MSN: variants seen among roughly 807,000 people sequenced by gnomAD.
MSN encodes moesin, also known as epididymis luminal protein 70.
Under a neutral mutation model 48.0 loss-of-function variants are expected in MSN, and 2 were observed. The ratio of observed to expected loss-of-function variants is 0.04; its 90% CI spans 0.02 to 0.13. The LOEUF (loss-of-function observed/expected upper bound fraction) is 0.13. MSN is among the 10% of genes least tolerant of loss of function. MSN has a pLI of 1.00. For missense variants in MSN, 267 were observed against 470.1 expected (o/e 0.57, Z 3.99); for synonymous variants, 146 against 166.9 (o/e 0.87, Z 0.97).
At chrX:65,638,241 A>G (rs974586736) in intron 1 of MSN, among the ~76,000 whole-genome samples, 1 of 112,389 alleles carries the variant, frequency 8.9e-6, no homozygotes, top group Non-Finnish European at 1.9e-5. Flanking sequence ...GCTTCTGTAC[A>G]TGCTGGTCCC....
intron 1 of MSN, among the ~76,000 whole-genome samples, chrX:65,621,593 C>A (rs1414296195): frequency 9.1e-6 from 1 of 109,972 alleles, no homozygotes; most frequent in Non-Finnish European, 1.9e-5. Flanking sequence ...ATTCAGGGCC[C>A]CTTGTAGTTT....
At chrX:65,692,824 C>T (rs2071188492) in intron 1 of MSN, among the ~76,000 whole-genome samples, 1 of 111,067 alleles carries the variant, frequency 9.0e-6, no homozygotes, top group Non-Finnish European at 1.9e-5. Flanking sequence ...GGATTACAGG[C>T]GCCCACCACC....
At chrX:65,596,362 G>A (rs2070186648) in intron 1 of MSN, among the ~76,000 whole-genome samples, 1 of 110,944 alleles carries the variant, frequency 9.0e-6, no homozygotes, top group Non-Finnish European at 1.9e-5. Context: ...GTGTACGTGT[G>A]TGTGTTTGGG....
At chrX:65,611,167 A>AT (rs570494964) in intron 1 of MSN, among the ~76,000 whole-genome samples, 3,177 of 78,192 alleles carry the variant, frequency 0.041, 85 homozygotes, top group Admixed American at 0.089. Flanking sequence ...CTTTCTTTCT[A>AT]TTTTTTTTTT....
At chrX:65,722,369 C>T (rs1474664055) in intron 2 of MSN, among the ~76,000 whole-genome samples, 1 of 108,697 alleles carries the variant, frequency 9.2e-6, no homozygotes, top group Non-Finnish European at 1.9e-5. Context: ...GTGGCTCCAG[C>T]ATTACTCCCT....
intron 1 of MSN, among the ~76,000 whole-genome samples, chrX:65,689,190 A>G (rs781583765): frequency 5.4e-5 from 6 of 111,814 alleles, no homozygotes; most frequent in Non-Finnish European, 7.5e-5. Flanking sequence ...TGGTTTGGCT[A>G]ACCTCTGAGG....
chrX:65,695,277 G>A (rs1168325794), intron 1 of MSN, among the ~76,000 whole-genome samples: 5 of 110,566 alleles, frequency 4.5e-5, no homozygotes, highest in African/African-American at 6.6e-5. Context: ...GAGGTGGGTG[G>A]ATAACCTGAG....
At chrX:65,604,773 T>C (rs2070264697) in intron 1 of MSN, among the ~76,000 whole-genome samples, 1 of 111,436 alleles carries the variant, frequency 9.0e-6, no homozygotes, top group Admixed American at 9.6e-5. Flanking sequence ...TTGGCTCTTT[T>C]CAAAATTTAT....
At chrX:65,664,616 GCTCT>G (rs1010024489), upstream of MSN, among the ~76,000 whole-genome samples, 2 of 109,226 alleles carry the variant, frequency 1.8e-5, no homozygotes, top group East Asian at 2.9e-4. Flanking sequence ...GATAGTTTAT[GCTCT>G]CTCTCTATTT....
At chrX:65,680,184 T>A (rs1336983813) in intron 1 of MSN, among the ~76,000 whole-genome samples, 1 of 112,093 alleles carries the variant, frequency 8.9e-6, no homozygotes, top group African/African-American at 3.2e-5. Flanking sequence ...CCCCTTTTTT[T>A]AAAACTCAGC....
At chrX:65,719,065 C>T in intron 2 of MSN, among the ~76,000 whole-genome samples, 1 of 112,023 alleles carries the variant, frequency 8.9e-6, no homozygotes, top group Non-Finnish European at 1.9e-5. Flanking sequence ...CTTACATTCA[C>T]ATAGCTCACA....
chrX:65,638,290 G>A (rs745408752), intron 1 of MSN, among the ~76,000 whole-genome samples: 2 of 112,118 alleles, frequency 1.8e-5, no homozygotes, highest in African/African-American at 6.5e-5. Context: ...GATCTATGTG[G>A]AGAACTCCTG....
intron 1 of MSN, among the ~76,000 whole-genome samples, chrX:65,683,766 A>C (rs1446942227): frequency 9.0e-6 from 1 of 111,038 alleles, no homozygotes; most frequent in African/African-American, 3.3e-5. Context: ...ACTTTGTTTT[A>C]CAATTTTGGA....
chrX:65,602,455 T>C (rs751558118), intron 1 of MSN, among the ~76,000 whole-genome samples: 53 of 111,513 alleles, frequency 4.8e-4, no homozygotes, highest in African/African-American at 1.7e-3. Context: ...ATAATTATAT[T>C]GAAGTGACTC....
In MSN at chrX:65,739,258, C is replaced by G; in HGVS notation, c.1569+64C>G. The G allele has an allele frequency of 3.9e-6, 4 of 1,028,859 alleles. No homozygotes were observed. In the South Asian group the frequency reaches 6.4e-5, roughly 16 times the overall value. The allele number at this position is 1,028,859 out of a possible 1,213,427, so 84.8% of individuals were successfully genotyped here. On this transcript the variant is annotated intron_variant, in intron 12 of 12. Transcript: ENST00000360270. ...ATTGATTTAGTAGCCCATGGCATTC[C>G]CTAGACCATCATGGGGGATAGGTAT...
intron 1 of MSN, among the ~76,000 whole-genome samples, chrX:65,695,167 G>A (rs1198648748): frequency 1.8e-5 from 2 of 109,520 alleles, no homozygotes; most frequent in Admixed American, 2.0e-4. Flanking sequence ...TGCCTTTCCA[G>A]GTCTATCTGT....
intron 1 of MSN, among the ~76,000 whole-genome samples, chrX:65,624,026 C>T (rs779042461): frequency 1.2e-4 from 13 of 110,348 alleles, no homozygotes; most frequent in Admixed American, 8.7e-4. Flanking sequence ...TTATAGTATT[C>T]TTTTGTAATA....
intron 1 of MSN, among the ~76,000 whole-genome samples, chrX:65,698,994 G>T (rs2071274010): frequency 9.0e-6 from 1 of 111,570 alleles, no homozygotes; most frequent in African/African-American, 3.3e-5. Context: ...CAGACCTAGG[G>T]CTCTCTCCCT....
Position 65,736,898 on chromosome X carries a change from G to A in MSN, c.1063G>A (p.Glu355Lys), listed in dbSNP as rs145356792. 4.1e-5 allele frequency: 49 copies of A among 1,202,551 alleles called. No individual in the cohort carries two copies. Among genetic ancestry groups the A allele is most frequent in the African/African-American group, 1.8e-4 (10 of 56,993 alleles). ...EELMERLKQI[E>K]EQTKKAQQEL... ...GCTGATGGAGAGGCTGAAGCAGATC[G>A]AGGAACAGACTAAGAAGGCTCAGCA... Residue 355 changes from glutamate to lysine, a missense_variant, in exon 9 of 13, where the codon GAG becomes AAG. Around this residue, in one of 5 missense-constraint regions of MSN, gnomAD observed 70 missense variants for 76.3 expected, o/e 0.92. Coordinates refer to ENST00000360270, the MANE Select transcript of MSN (RefSeq NM_002444.3).
Sources: allele counts gnomAD v4.1 joint callset (sites outside exome capture counted in the v4.1 genomes callset), GRCh38; gene constraint gnomAD v4.1.1; regional missense constraint gnomAD v4.1.1; transcripts MANE v1.5; gene names NCBI Gene and HGNC (gene_info 2026-07-23, HGNC 2026-07-21).